Variants in GAS2L1 observed in about 807,000 individuals in gnomAD.
GAS2L1 encodes GAS2-like protein 1.
GAS2L1 carries 26 observed loss-of-function variants against 44.0 expected under a neutral mutation model. That is an observed-to-expected ratio of 0.59 (90% CI 0.43 to 0.82). The LOEUF (loss-of-function observed/expected upper bound fraction) is 0.82, where lower values mean the gene tolerates loss of function less well. Ranked by LOEUF, GAS2L1 falls within the 40% of genes least tolerant of loss-of-function variation. GAS2L1 has a pLI of 0.00. For synonymous variants in GAS2L1, 426 were observed against 415.9 expected (o/e 1.02, Z -0.30); for missense variants, 1,006 against 983.0 (o/e 1.02, Z -0.31).
intron 1 of GAS2L1, 50 bp downstream of exon 2, chr22:29,308,788 C>T (rs1433822837): frequency 7.1e-7 from 1 of 1,408,494 alleles, no homozygotes; most frequent in Admixed American, 2.7e-5. Context: ...CAGCCAGTGC[C>T]TGCAATCTGT....
exon 1 of GAS2L1, chr22:29,308,629 C>T: frequency 1.3e-6 from 2 of 1,585,076 alleles, no homozygotes; most frequent in Non-Finnish European, 1.7e-6. Flanking sequence ...CCCCCAGCCC[C>T]CAACGCCCCT....
chr22:29,308,220 G>A (rs559367893), exon 1 of GAS2L1: 2 of 1,608,888 alleles, frequency 1.2e-6, no homozygotes, highest in East Asian at 2.2e-5. Flanking sequence ...GTGGCTCAAT[G>A]CCTTGTACGG....
Position 29,311,897 on chromosome 22 carries a change from A to C in GAS2L1, c.1446A>C (p.Ala482=), listed in dbSNP as rs774639748. 1.9e-6 allele frequency: 3 copies of C among 1,600,752 alleles called. No individual in the cohort carries two copies. The African/African-American group carries it at 4.0e-5, about 21-fold the overall frequency. Residue 482 remains alanine (A), a synonymous_variant, in exon 5 of 5, where the codon GCA becomes GCC. Transcript: ENST00000618518. ...CTCCCCGTGCCCGCAGCCCTGCAGC[A>C]CCCCGGCTTTCCCGGGTCTCCAGCC... is the stretch of plus-strand genomic sequence containing the variant.
Position 29,310,753 on chromosome 22 carries a change from C to T in GAS2L1, c.838+19C>T, listed in dbSNP as rs750062239. The T allele has an allele frequency of 6.2e-7, 1 of 1,605,776 alleles. No individual in the cohort carries two copies. Among genetic ancestry groups the T allele is most frequent in the Non-Finnish European group, 8.5e-7 (1 of 1,177,260 alleles). The stretch of plus-strand genomic sequence containing the variant: ...TCCACTGGTCAGTGCCAGGGTGGGG[C>T]TGGGGCTGGACGGGCAGGGGACTTG... On this transcript the variant is annotated intron_variant, in intron 3 of 4. Coordinates refer to ENST00000618518, the Ensembl canonical transcript of GAS2L1.
rs1304545813 is a variant in GAS2L1, at chr22:29,308,208, G to T, written c.103G>T (p.Glu35Ter). The T allele has an allele frequency of 6.2e-7, 1 of 1,608,338 alleles. No individual in the cohort carries two copies. The highest frequency in any genetic ancestry group is 1.3e-5 in the African/African-American group (1 of 74,848). ...GGAGGCCATGAAGGAGGACCTGGCC[G>T]AGTGGCTCAATGCCTTGTACGGCCT... Residue 35 changes from glutamate (E) to a stop codon, truncating the protein, a stop_gained, in exon 1 of 5, where the codon GAG becomes TAG. Transcript: ENST00000618518. LOFTEE classifies it high-confidence loss of function.
exon 5 of GAS2L1, chr22:29,312,683 T>G (rs2061424159): frequency 2.3e-6 from 1 of 442,686 alleles, no homozygotes; most frequent in South Asian, 8.4e-5. Context: ...CGTTGCTATT[T>G]AATTACTAAT....
At chr22:29,311,487 C>T in exon 5 of GAS2L1, 1 of 1,486,170 alleles carries the variant, frequency 6.7e-7, no homozygotes, top group Non-Finnish European at 9.0e-7. Context: ...GCCCCCCCAT[C>T]CCCGCTCCCG....
exon 5 of GAS2L1, chr22:29,312,638 G>A: frequency 3.8e-6 from 2 of 528,844 alleles, no homozygotes; most frequent in Admixed American, 3.6e-5. Context: ...ATGGCACAAT[G>A]GGACCTCTGT....
intron 4 of GAS2L1, 149 bp from the exon 6 acceptor site, chr22:29,311,313 C>T: frequency 3.4e-6 from 2 of 588,042 alleles, no homozygotes; most frequent in Non-Finnish European, 6.0e-6. Flanking sequence ...GAGGAAGCTG[C>T]TCACTTCTCC....
At chr22:29,308,623 C>T in exon 1 of GAS2L1, 1 of 1,587,708 alleles carries the variant, frequency 6.3e-7, no homozygotes. Context: ...GCTGCACCCC[C>T]AGCCCCCAAC....
chr22:29,308,388 G>A (rs1427327462), exon 1 of GAS2L1: 1 of 1,609,404 alleles, frequency 6.2e-7, no homozygotes, highest in Non-Finnish European at 8.5e-7. Context: ...TGTAGTGCCT[G>A]GCTCCTTCAT....
rs748750973 is a variant in GAS2L1, at chr22:29,308,154, C to T, written c.49C>T (p.Arg17Trp). 5.0e-6 allele frequency: 8 copies of T among 1,586,822 alleles called. No individual in the cohort carries two copies. The Admixed American group carries it at 6.8e-5, about 14-fold the overall frequency. ...CGCGGGCTCGGCGGCCAAGAGCGTG[C>T]GGCCATTTCGCTCCAGTGAGGCCTA... The change falls in exon 1 of 5, where the codon CGG becomes TGG. Residue 17 changes from arginine to tryptophan, a missense_variant. Transcript: ENST00000618518.
chr22:29,310,947 T>A, exon 4 of GAS2L1: 1 of 1,613,734 alleles, frequency 6.2e-7, no homozygotes. Flanking sequence ...CGGCCTGAGA[T>A]GACTCCCGTT....
exon 1 of GAS2L1, chr22:29,308,207 C>G: frequency 6.2e-7 from 1 of 1,608,348 alleles, no homozygotes. Flanking sequence ...AGGACCTGGC[C>G]GAGTGGCTCA....
chr22:29,307,351 G>T (rs924730606), exon 1 of GAS2L1: 4 of 152,178 alleles, frequency 2.6e-5, no homozygotes, highest in Non-Finnish European at 5.9e-5. Context: ...CGCAGGCACC[G>T]GCCTGGAGCG....
chr22:29,307,946 G>A (rs957482075), exon 1 of GAS2L1: 3 of 503,360 alleles, frequency 6.0e-6, no homozygotes, highest in South Asian at 5.3e-5. Flanking sequence ...GGAAACTTGG[G>A]GCACCGACAT....
chr22:29,312,318 G>A (rs753346386), exon 5 of GAS2L1: 2 of 1,607,648 alleles, frequency 1.2e-6, no homozygotes, highest in East Asian at 2.2e-5. Flanking sequence ...GAGCCCCCTG[G>A]CTTGCACTGA....
exon 1 of GAS2L1, chr22:29,308,018 A>G (rs1479720070): frequency 2.7e-6 from 3 of 1,092,892 alleles, no homozygotes; most frequent in East Asian, 5.6e-5. Flanking sequence ...GCAGGTGGCC[A>G]GCAGCTTAAT....
exon 5 of GAS2L1, chr22:29,311,682 C>T (rs1479572995): frequency 3.3e-6 from 5 of 1,518,762 alleles, no homozygotes; most frequent in East Asian, 2.5e-5. Flanking sequence ...CCGGCTGGAT[C>T]GCGGCCGGCC....
Sources: gnomAD v4.1 joint callset for allele counts on GRCh38, gnomAD v4.1.1 for gene constraint, MANE v1.5 for transcripts, NCBI Gene and HGNC (gene_info 2026-07-23, HGNC 2026-07-21) for gene names.